The following SNX19 variants were observed in gnomAD, a reference collection of about 807,000 sequenced individuals.
SNX19 encodes the protein sorting nexin 19.
Under a neutral mutation model 85.2 loss-of-function variants are expected in SNX19, and 60 were observed. The observed-to-expected ratio is 0.70, with a 90% CI of 0.57 to 0.87. SNX19 has a LOEUF of 0.87. Ranked by LOEUF, SNX19 falls within the 40% of genes least tolerant of loss-of-function variation. The probability of loss-of-function intolerance (pLI) is 0.00; values close to 1 mark genes in which losing one functional copy is unlikely to be tolerated. For synonymous variants in SNX19, 520 were observed against 470.0 expected (o/e 1.11, Z -1.38); for missense variants, 1,201 against 1,217.8 (o/e 0.99, Z 0.21).
In SNX19 at chr11:130,914,374, G is replaced by T; in HGVS notation, c.1566C>A (p.Ser522Arg). The T allele has an allele frequency of 6.2e-7, 1 of 1,613,936 alleles. No individual in the cohort carries two copies. The highest frequency in any genetic ancestry group is 1.1e-5 in the South Asian group (1 of 91,062). Residue 522 changes from serine (S) to arginine (R), a missense_variant, in exon 1 of 11, where the codon AGC (serine) becomes AGA (arginine). Physicochemically the swap from Ser to Arg is moderately radical, Grantham distance 110 (BLOSUM62 -1). Transcript: ENST00000265909. The part of the protein sequence containing the change: ...SSATFSFEPL[S>R]SPDGPVIIQN... ...GGATGATAACTGGACCATCGGGACT[G>T]CTTAGGGGCTCAAAGCTGAAGGTGG...
chr11:130,882,567 G>C (rs1943755349), intron 8 of SNX19, among the ~76,000 whole-genome samples: 1 of 152,322 alleles, frequency 6.6e-6, no homozygotes, highest in East Asian at 1.9e-4. Flanking sequence ...GCACAAAGCT[G>C]TTCTTGTCCA....
intron 8 of SNX19, among the ~76,000 whole-genome samples, chr11:130,886,998 C>A (rs1292824843): frequency 6.6e-6 from 1 of 152,202 alleles, no homozygotes; most frequent in African/African-American, 2.4e-5. Context: ...ACTACCACTT[C>A]TTTCTCCCAA....
At chr11:130,904,843 C>T (rs1354104037) in intron 7 of SNX19, among the ~76,000 whole-genome samples, 3 of 152,096 alleles carry the variant, frequency 2.0e-5, no homozygotes, top group Admixed American at 6.6e-5. Context: ...CCACACTGAC[C>T]CTGCCCCCCA....
chr11:130,893,896 A>G lies in SNX19; in HGVS notation c.2573+9359T>C, dbSNP rs894042491. 27 of 689,610 alleles carry G rather than the reference A, an allele frequency of 3.9e-5. No individual in the cohort carries two copies. In the Admixed American group the frequency reaches 5.4e-4, roughly 14 times the overall value. 42.7% of individuals were successfully genotyped at this position (689,610 alleles called of 1,614,324 possible). On this transcript the variant is annotated intron_variant, in intron 8 of 10. Transcript: ENST00000265909. Reference sequence around the variant, plus strand: ...ATTTACCCAACTCCCTCCCTGCTCCAGTACCAAATAGCTCTACTTCTCCAA... The same window carrying G: ...ATTTACCCAACTCCCTCCCTGCTCCGGTACCAAATAGCTCTACTTCTCCAA...
At chr11:130,893,054 T>A (rs1944604841) in intron 8 of SNX19, 1 of 152,262 alleles carries the variant, frequency 6.6e-6, no homozygotes, top group Non-Finnish European at 1.5e-5. Flanking sequence ...AAGAAGGCAG[T>A]AATTTAGTGG....
rs566082292 is a variant in SNX19, at chr11:130,879,579, G to T, written c.2846+45C>A. The T allele has an allele frequency of 1.5e-4, 227 of 1,537,092 alleles. 3 individuals carry two copies. In the South Asian group the frequency reaches 2.4e-3, roughly 16 times the overall value. On this transcript the variant is annotated intron_variant, in intron 10 of 10. Coordinates refer to ENST00000265909, the MANE Select transcript of SNX19 (RefSeq NM_014758.3). Reference sequence around the variant, plus strand: ...ACCTTGGATACCTCTGAGACCAGAGGTGGCTGTAACTATGCTGATGTTGGA... The same window carrying T: ...ACCTTGGATACCTCTGAGACCAGAGTTGGCTGTAACTATGCTGATGTTGGA...
At chr11:130,913,724 C>T (rs1328244171) in intron 1 of SNX19, among the ~76,000 whole-genome samples, 3 of 152,116 alleles carry the variant, frequency 2.0e-5, no homozygotes, top group East Asian at 3.8e-4. Flanking sequence ...AGGTTATTTA[C>T]CTATGTCTAT....
At chr11:130,912,545 T>A (rs1222663357) in intron 1 of SNX19, among the ~76,000 whole-genome samples, 2 of 152,186 alleles carry the variant, frequency 1.3e-5, no homozygotes, top group Non-Finnish European at 2.9e-5. Context: ...GGGAGAAGTA[T>A]ATATGTGCGC....
At chr11:130,890,306 A>C (rs1944407775) in intron 8 of SNX19, among the ~76,000 whole-genome samples, 1 of 152,180 alleles carries the variant, frequency 6.6e-6, no homozygotes, top group South Asian at 2.1e-4. Context: ...CAATGATCTC[A>C]GCTGAATGCC....
intron 1 of SNX19, among the ~76,000 whole-genome samples, chr11:130,913,100 G>C (rs1434186427): frequency 2.0e-5 from 3 of 151,998 alleles, no homozygotes. Context: ...GAAAGACTGG[G>C]AACTTAAACA....
chr11:130,909,891 T>G, intron 4 of SNX19, 127 bp downstream of exon 4: 1 of 1,230,684 alleles, frequency 8.1e-7, no homozygotes, highest in South Asian at 1.5e-5. Context: ...CCATGTTCTA[T>G]TGACGGCTCT....
Position 130,876,592 on chromosome 11 carries a change from CAT to C in SNX19, c.*1828_*1829del, listed in dbSNP as rs1298889867. 2 of 72,674 alleles carry C rather than the reference CAT, an allele frequency of 2.8e-5. No homozygotes were observed. The highest frequency in any genetic ancestry group is 3.1e-4 in the East Asian group (1 of 3,214). 4.5% of individuals were successfully genotyped at this position (72,674 alleles called of 1,614,324 possible). A position where few individuals can be genotyped will look rare whatever the true frequency, so the allele number is the denominator to read the frequency against. ...AAAGCAACACAGGTGGCTAAGTACA[CAT>C]GAGGGGAAGGTAGGTATGGGGAGAG... On this transcript the variant is annotated 3_prime_UTR_variant, in exon 11 of 11. Transcript: ENST00000265909.
Position 130,878,566 on chromosome 11 carries a change from G to C in SNX19, c.2847-12C>G. ...AGTAAATCAAATGCCTGAAACGAATGGACAAAAAACTTAGGGTCTGGCTCA... is the reference window on the plus strand; with the variant it reads ...AGTAAATCAAATGCCTGAAACGAATCGACAAAAAACTTAGGGTCTGGCTCA... On this transcript the variant is annotated splice_polypyrimidine_tract_variant and intron_variant, in intron 10 of 10. Coordinates refer to ENST00000265909, the MANE Select transcript of SNX19 (RefSeq NM_014758.3). The C allele has an allele frequency of 6.2e-7, 1 of 1,610,042 alleles. No individual in the cohort carries two copies. Among genetic ancestry groups the C allele is most frequent in the Non-Finnish European group, 8.5e-7 (1 of 1,178,266 alleles).
intron 8 of SNX19, among the ~76,000 whole-genome samples, chr11:130,883,824 G>A (rs1943862134): frequency 2.0e-5 from 3 of 152,052 alleles, no homozygotes; most frequent in African/African-American, 7.2e-5. Context: ...AAAATGATGA[G>A]CACGCCAATC....
rs1014571602 is a variant in SNX19, at chr11:130,875,647, G to C, written c.*2775C>G. 3 of 149,872 alleles carry C rather than the reference G, an allele frequency of 2.0e-5. No individual in the cohort carries two copies. 9.3% of individuals were successfully genotyped at this position (149,872 alleles called of 1,614,324 possible). On this transcript the variant is annotated 3_prime_UTR_variant, in exon 11 of 11. Transcript: ENST00000265909. The stretch of plus-strand genomic sequence containing the variant: ...CTCATAGGTGGGAATTGAACAATGA[G>C]AACACTTGGACACAGGAAGGTGAAC...
At position 130,866,439 on chromosome 11, in the gene SNX19, A is replaced by G. The variant is rs924440995; in HGVS notation, c.*11983T>C. ...CTAGTGGTAATTCCAGCAGACAAACAGCATGAGAAAAGGCCGGGAGACAGT... is the reference window on the plus strand; with the variant it reads ...CTAGTGGTAATTCCAGCAGACAAACGGCATGAGAAAAGGCCGGGAGACAGT... On this transcript the variant is annotated 3_prime_UTR_variant, in exon 11 of 11. Transcript: ENST00000265909. 6.6e-6 allele frequency: 1 copy of G among 152,208 alleles called. No individual in the cohort carries two copies. Among genetic ancestry groups the G allele is most frequent in the African/African-American group, 2.4e-5 (1 of 41,456 alleles). The allele number at this position is 152,208 out of a possible 1,614,324, so 9.4% of individuals were successfully genotyped here.
At chr11:130,884,696 G>A (rs7103988) in intron 8 of SNX19, among the ~76,000 whole-genome samples, 67,610 of 151,474 alleles carry the variant, frequency 0.45, 15,306 homozygotes, top group South Asian at 0.55. Context: ...GTGAAGCCTC[G>A]TCTCTACTAA....
Position 130,915,899 on chromosome 11 carries a change from G to C in SNX19, c.41C>G (p.Ala14Gly), listed in dbSNP as rs749968366. Residue 14 changes from alanine to glycine, a missense_variant, in exon 1 of 11, where the codon GCT (alanine) becomes GGT (glycine). Ala to Gly is a moderately conservative substitution (Grantham distance 60, BLOSUM62 0). Transcript: ENST00000265909. ...ETVPPFQETPAGSSCHLNNLL... is the reference protein window; with the variant it reads ...ETVPPFQETPGGSSCHLNNLL... ...GTTATTGAGGTGACAGCTCGATCCA[G>C]CTGGAGTTTCCTGGAACGGTGGCAC... The C allele has an allele frequency of 6.2e-7, 1 of 1,614,116 alleles. No homozygotes were observed. Among genetic ancestry groups the C allele is most frequent in the East Asian group, 2.2e-5 (1 of 44,884 alleles).
rs766124848 is a variant in SNX19 at position 130,915,532 on chromosome 11, T to C, written c.408A>G (p.Lys136=). The change falls in exon 1 of 11, where the codon AAA becomes AAG. Residue 136 remains lysine, a synonymous_variant. Coordinates refer to ENST00000265909, the MANE Select transcript of SNX19 (RefSeq NM_014758.3). ...AFEEEMEAAM[K]GLVQELRRRM... is the part of the protein sequence containing the mutation. ...TTCTCCGAAGCTCCTGGACCAACCCTTTCATGGCTGCCTCCATTTCTTCCT... is the reference window on the plus strand; with the variant it reads ...TTCTCCGAAGCTCCTGGACCAACCCCTTCATGGCTGCCTCCATTTCTTCCT... The C allele has an allele frequency of 1.2e-6, 2 of 1,614,200 alleles. No individual in the cohort carries two copies. Among genetic ancestry groups the C allele is most frequent in the South Asian group, 1.1e-5 (1 of 91,086 alleles).
Sources: allele counts gnomAD v4.1 joint callset (sites outside exome capture counted in the v4.1 genomes callset), GRCh38; gene constraint gnomAD v4.1.1; transcripts MANE v1.5; gene names NCBI Gene and HGNC (gene_info 2026-07-23, HGNC 2026-07-21).